The following MED17 variants were observed in gnomAD, a reference collection of about 807,000 sequenced individuals.
MED17 encodes the protein mediator complex subunit 17.
A neutral mutation model predicts 80.8 loss-of-function variants in MED17; 49 were observed. That is an observed-to-expected ratio of 0.61 (90% CI 0.48 to 0.77). The LOEUF (loss-of-function observed/expected upper bound fraction) is 0.77. Among genes scored for constraint, MED17 ranks in the 30% least tolerant of loss-of-function variants. The pLI is 0.00. For synonymous variants in MED17, 281 were observed against 280.4 expected (o/e 1.00, Z -0.02); for missense variants, 718 against 787.0 (o/e 0.91, Z 1.05).
chr11:93,803,694 AAGAG>A (rs1168782100), intron 9 of MED17, among the ~76,000 whole-genome samples: 1 of 152,082 alleles, frequency 6.6e-6, no homozygotes, highest in Non-Finnish European at 1.5e-5. Flanking sequence ...CCATAGTAAA[AAGAG>A]AGACTGAGTG....
chr11:93,814,242 G>T lies in MED17; in HGVS notation c.*2178G>T. 6.6e-6 allele frequency: 1 copy of T among 152,168 alleles called. No individual in the cohort carries two copies. Among genetic ancestry groups the T allele is most frequent in the Non-Finnish European group, 1.5e-5 (1 of 68,036 alleles). 9.4% of individuals were successfully genotyped at this position (152,168 alleles called of 1,614,324 possible). A position where few individuals can be genotyped will look rare whatever the true frequency, so the allele number is the denominator to read the frequency against. On this transcript the variant is annotated 3_prime_UTR_variant, in exon 12 of 12. Transcript: ENST00000251871. Reference sequence around the variant, plus strand: ...GTTTGGTACGTCGCTGTAGTGAGTAGCCAGTACCGACCTAAAGAATTGTAG... The same window carrying T: ...GTTTGGTACGTCGCTGTAGTGAGTATCCAGTACCGACCTAAAGAATTGTAG...
chr11:93,785,432 T>C (rs1231234382), intron 1 of MED17, among the ~76,000 whole-genome samples: 3 of 152,152 alleles, frequency 2.0e-5, no homozygotes, highest in Non-Finnish European at 4.4e-5. Context: ...CTCATTATTG[T>C]CAAGGATTTT....
chr11:93,800,326 A>T (rs1322720771), intron 8 of MED17, among the ~76,000 whole-genome samples: 2 of 151,706 alleles, frequency 1.3e-5, no homozygotes, highest in Non-Finnish European at 2.9e-5. Flanking sequence ...TTTTATTATT[A>T]TTTTTTTAAT....
intron 10 of MED17, 72 bp downstream of exon 10, chr11:93,807,707 T>C (rs1944041342): frequency 3.2e-6 from 3 of 937,728 alleles, no homozygotes; most frequent in Non-Finnish European, 3.5e-6. Context: ...GGTTAAAAAG[T>C]AGTTAAAATG....
intron 8 of MED17, among the ~76,000 whole-genome samples, 172 bp downstream of exon 8, chr11:93,797,891 C>T (rs1204753096): frequency 6.6e-6 from 1 of 152,172 alleles, no homozygotes; most frequent in African/African-American, 2.4e-5. Flanking sequence ...CTGGGGAAGA[C>T]TTAGATCCAC....
rs10831103 is a variant in MED17 at position 93,802,147 on chromosome 11, C to G, written c.1466+175C>G. 0.21 allele frequency among the ~76,000 whole-genome samples: 32,339 copies of G among 151,768 alleles called. 3,694 individuals carry two copies. The highest frequency in any genetic ancestry group is 0.26 in the Non-Finnish European group (17,540 of 67,910). On this transcript the variant is annotated intron_variant, in intron 9 of 11. Transcript: ENST00000251871. ...ATAGGTGGAGTCTCACTCTTTTACC[C>G]AGGTTGGAGTGCAGTGATGATCATA... is the stretch of plus-strand genomic sequence containing the variant.
chr11:93,786,087 G>A (rs1390193055), intron 1 of MED17, among the ~76,000 whole-genome samples: 2 of 152,148 alleles, frequency 1.3e-5, no homozygotes, highest in African/African-American at 4.8e-5. Context: ...GGGAAAAGAT[G>A]CCATAAGCAA....
chr11:93,812,171 T>C lies in MED17; in HGVS notation c.*107T>C. On this transcript the variant is annotated 3_prime_UTR_variant, in exon 12 of 12. Coordinates refer to ENST00000251871, the MANE Select transcript of MED17 (RefSeq NM_004268.5). Reference sequence around the variant, plus strand: ...GATAACTTCCAAAAGAGTGCTGTTTTTAAAAATAATAATTAGGAAATGTTT... The same window carrying C: ...GATAACTTCCAAAAGAGTGCTGTTTCTAAAAATAATAATTAGGAAATGTTT... The C allele has an allele frequency of 2.2e-6, 2 of 923,668 alleles. No homozygotes were observed. The highest frequency in any genetic ancestry group is 2.8e-5 in the South Asian group (2 of 70,828). 57.2% of individuals were successfully genotyped at this position (923,668 alleles called of 1,614,324 possible).
chr11:93,795,303 T>C, intron 6 of MED17: 3 of 553,182 alleles, frequency 5.4e-6, no homozygotes, highest in Non-Finnish European at 6.4e-6. Context: ...GTAGTCATTA[T>C]TGTGGTCAAG....
At chr11:93,793,122 T>TTTTTTTTTTTTTTTTTTG in intron 3 of MED17, 1 of 125,410 alleles carries the variant, frequency 8.0e-6, no homozygotes. Flanking sequence ...CTCTTTTTTT[T>TTTTTTTTTTTTTTTTTTG]TTTTTTTTTT....
intron 3 of MED17, 36 bp from the exon 4 acceptor site, chr11:93,793,692 C>A: frequency 7.1e-7 from 1 of 1,405,562 alleles, no homozygotes; most frequent in Non-Finnish European, 1.0e-6. Flanking sequence ...AATATGTTAA[C>A]TGTTTTATAT....
chr11:93,791,465 G>A (rs1943835750), intron 3 of MED17, among the ~76,000 whole-genome samples: 1 of 152,152 alleles, frequency 6.6e-6, no homozygotes, highest in African/African-American at 2.4e-5. Context: ...AGCACTTTGG[G>A]AGGCTGAGGT....
chr11:93,787,849 A>G (rs371718835), intron 1 of MED17, 152 bp from the exon 2 acceptor site: 21 of 690,114 alleles, frequency 3.0e-5, no homozygotes, highest in African/African-American at 2.2e-4. Flanking sequence ...CAAAGTTTTA[A>G]GAAACGGTAG....
At chr11:93,802,145 C>T (rs1274982214) in intron 9 of MED17, among the ~76,000 whole-genome samples, 173 bp downstream of exon 9, 1 of 151,532 alleles carries the variant, frequency 6.6e-6, no homozygotes, top group Non-Finnish European at 1.5e-5. Flanking sequence ...CACTCTTTTA[C>T]CCAGGTTGGA....
chr11:93,790,680 A>G lies in MED17; in HGVS notation c.524A>G (p.Gln175Arg), dbSNP rs1166659865. The G allele has an allele frequency of 6.2e-7, 1 of 1,614,250 alleles. No individual in the cohort carries two copies. Among genetic ancestry groups the G allele is most frequent in the Non-Finnish European group, 8.5e-7 (1 of 1,180,046 alleles). ...ERLTKSVTEN[Q>R]ENKLQRDFNS... is the part of the protein sequence containing the mutation. ...CTGACTAAATCAGTTACCGAAAACC[A>G]AGAAAACAAGCTACAAAGAGACTTC... Residue 175 changes from glutamine (Q) to arginine (R), a missense_variant, in exon 3 of 12, where the codon CAA becomes CGA. Coordinates refer to ENST00000251871, the MANE Select transcript of MED17 (RefSeq NM_004268.5).
In MED17 at chr11:93,794,940, G is replaced by T; in HGVS notation, c.892G>T (p.Ala298Ser). The T allele has an allele frequency of 6.2e-7, 1 of 1,614,146 alleles. No individual in the cohort carries two copies. The highest frequency in any genetic ancestry group is 8.5e-7 in the Non-Finnish European group (1 of 1,180,012). ...SPHWQTKLEA[A>S]QNVLLCKEIF... ...ACATTGGCAGACAAAATTAGAAGCGGCACAGAATGTTCTCTTATGTAAAGA... is the reference window on the plus strand; with the variant it reads ...ACATTGGCAGACAAAATTAGAAGCGTCACAGAATGTTCTCTTATGTAAAGA... The change falls in exon 6 of 12, where the codon GCA becomes TCA. Residue 298 changes from alanine (A) to serine (S), a missense_variant. Transcript: ENST00000251871.
At position 93,813,800 on chromosome 11, in the gene MED17, C is replaced by T. The variant is rs1591393533; in HGVS notation, c.*1736C>T. ...CAGCACTGTTTTGGCTCACTGCAAC[C>T]TCTGCCTCCTGGGTTCAAATGACTC... On this transcript the variant is annotated 3_prime_UTR_variant, in exon 12 of 12. Transcript: ENST00000251871. 6.6e-6 allele frequency: 1 copy of T among 152,332 alleles called. No individual in the cohort carries two copies. Among genetic ancestry groups the T allele is most frequent in the Middle Eastern group, 3.4e-3 (1 of 294 alleles). 9.4% of individuals were successfully genotyped at this position (152,332 alleles called of 1,614,324 possible). A position where few individuals can be genotyped will look rare whatever the true frequency, so the allele number is the denominator to read the frequency against.
Position 93,787,136 on chromosome 11 carries a change from G to A in MED17, c.251-865G>A, listed in dbSNP as rs193294943. ...TTGAAAGGGTACACTCACTGGGGCC[G>A]GGCGCAGTGGCTCACGTCTGTAATC... On this transcript the variant is annotated intron_variant, in intron 1 of 11. Coordinates refer to ENST00000251871, the MANE Select transcript of MED17 (RefSeq NM_004268.5). Among the ~76,000 whole-genome samples the A allele has an allele frequency of 1.1e-3, 174 of 152,210 alleles. 3 individuals are homozygous for A. Among genetic ancestry groups the A allele is most frequent in the Middle Eastern group, 6.8e-3 (2 of 294 alleles).
rs575406665 is a variant in MED17, at chr11:93,787,583, CT to C, written c.251-411del. Among the ~76,000 whole-genome samples, 440 of 152,180 alleles carry C rather than the reference CT, an allele frequency of 2.9e-3. 3 individuals are homozygous for C. Among genetic ancestry groups the C allele is most frequent in the African/African-American group, 9.7e-3 (401 of 41,522 alleles). ...AATGTTCATGTATTTAATCACAATA[CT>C]TTTTTTAATGGTTAAAAGGAAGATA... On this transcript the variant is annotated intron_variant, in intron 1 of 11. Transcript: ENST00000251871.
Sources: allele counts gnomAD v4.1 joint callset (sites outside exome capture counted in the v4.1 genomes callset), GRCh38; gene constraint gnomAD v4.1.1; transcripts MANE v1.5; gene names NCBI Gene and HGNC (gene_info 2026-07-23, HGNC 2026-07-21).